MCHR2: variants seen among roughly 807,000 people sequenced by gnomAD.
MCHR2 encodes melanin-concentrating hormone receptor 2.
In MCHR2, 15 loss-of-function variants were observed where a neutral mutation model predicts 24.8. The observed-to-expected ratio is 0.60, with a 90% CI of 0.40 to 0.93. MCHR2 has a LOEUF of 0.93. Among genes scored for constraint, MCHR2 ranks in the 40% least tolerant of loss-of-function variants. The pLI, the probability that MCHR2 is intolerant of heterozygous loss-of-function variation, is 0.00. For synonymous variants in MCHR2, 151 were observed against 147.6 expected, an observed-to-expected ratio of 1.02 and a Z score of -0.17; for missense variants, 386 against 408.7, an observed-to-expected ratio of 0.94 and a Z score of 0.48.
rs12195133 is a variant in MCHR2 at position 99,967,964 on chromosome 6, T to C, written c.-27-11790A>G. ...GCAAAGAATTTGGTTTAGTAATCTCTCTTAGTCTCAGGTTCCCCATTGGTA... is the reference window on the plus strand; with the variant it reads ...GCAAAGAATTTGGTTTAGTAATCTCCCTTAGTCTCAGGTTCCCCATTGGTA... On this transcript the variant is annotated intron_variant, in intron 1 of 5. Transcript: ENST00000281806. Among the ~76,000 whole-genome samples, 462 of 152,320 alleles carry C rather than the reference T, an allele frequency of 3.0e-3. 4 individuals are homozygous for C. The highest frequency in any genetic ancestry group is 5.0e-3 in the Non-Finnish European group (338 of 68,006).
chr6:99,969,529 T>C (rs1582400834), intron 1 of MCHR2, among the ~76,000 whole-genome samples: 1 of 151,676 alleles, frequency 6.6e-6, no homozygotes, highest in East Asian at 1.9e-4. Flanking sequence ...CTGTTGTATT[T>C]AGGCATATTT....
intron 1 of MCHR2, among the ~76,000 whole-genome samples, chr6:99,970,242 G>T (rs1482241108): frequency 1.3e-5 from 2 of 151,930 alleles, no homozygotes; most frequent in Admixed American, 1.3e-4. Context: ...ACTTTTTAAT[G>T]ATGGCCATTC....
intron 1 of MCHR2, among the ~76,000 whole-genome samples, chr6:99,989,296 T>C (rs992765613): frequency 6.6e-6 from 1 of 152,078 alleles, no homozygotes; most frequent in Non-Finnish European, 1.5e-5. Flanking sequence ...AAGGAAGACA[T>C]AAAAAACAAG....
In MCHR2 at chr6:99,947,658, A is replaced by T. The variant is rs115760491; in HGVS notation, c.392+104T>A. The T allele has an allele frequency of 5.7e-4, 611 of 1,080,514 alleles. 4 individuals are homozygous for T. In the African/African-American group the frequency reaches 8.6e-3, roughly 15 times the overall value. The allele number at this position is 1,080,514 out of a possible 1,614,324, so 66.9% of individuals were successfully genotyped here. A position where few individuals can be genotyped will look rare whatever the true frequency, so the allele number is the denominator to read the frequency against. ...TTCTACAGTGAAACAAAGGAAGAAA[A>T]CCTCTGCTGTTATAAACCAAAACTG... On this transcript the variant is annotated intron_variant, in intron 3 of 5. Coordinates refer to ENST00000281806, the MANE Select transcript of MCHR2 (RefSeq NM_001040179.2).
At chr6:99,991,428 C>T (rs942639541) in intron 1 of MCHR2, among the ~76,000 whole-genome samples, 1 of 152,176 alleles carries the variant, frequency 6.6e-6, no homozygotes, top group Non-Finnish European at 1.5e-5. Context: ...TTTAGGTAGT[C>T]ACCAACCTGT....
At chr6:99,940,243 A>G (rs1774746295) in intron 4 of MCHR2, among the ~76,000 whole-genome samples, 1 of 150,622 alleles carries the variant, frequency 6.6e-6, no homozygotes, top group South Asian at 2.1e-4. Context: ...TTTTGAAGTA[A>G]TTTTTTCTAT....
At chr6:99,967,673 A>T (rs7766326) in intron 1 of MCHR2, among the ~76,000 whole-genome samples, 23,066 of 152,070 alleles carry the variant, frequency 0.15, 1,894 homozygotes, top group Middle Eastern at 0.17. Flanking sequence ...ACCACTGAAG[A>T]CAGTTCAATA....
chr6:99,993,520 A>G (rs1347835945), intron 1 of MCHR2, among the ~76,000 whole-genome samples: 4 of 152,122 alleles, frequency 2.6e-5, no homozygotes, highest in Non-Finnish European at 4.4e-5. Flanking sequence ...CTTAGCAAAC[A>G]AGCCAGTGAT....
intron 4 of MCHR2, among the ~76,000 whole-genome samples, chr6:99,939,416 G>T (rs1443038275): frequency 6.6e-6 from 1 of 151,928 alleles, no homozygotes; most frequent in Non-Finnish European, 1.5e-5. Context: ...CTAAAGAGAT[G>T]ATAATTTATC....
chr6:99,987,653 CAT>C (rs1775794083), intron 1 of MCHR2, among the ~76,000 whole-genome samples: 2 of 152,108 alleles, frequency 1.3e-5, no homozygotes. Flanking sequence ...CACATACAGA[CAT>C]ATGCTTTAAC....
intron 5 of MCHR2, among the ~76,000 whole-genome samples, chr6:99,929,636 T>TG (rs1257066285): frequency 6.6e-6 from 1 of 152,080 alleles, no homozygotes; most frequent in Non-Finnish European, 1.5e-5. Flanking sequence ...TTAAAGTCTG[T>TG]TTTATCAGAG....
intron 5 of MCHR2, among the ~76,000 whole-genome samples, chr6:99,928,686 C>T (rs1489264467): frequency 6.6e-6 from 1 of 151,944 alleles, no homozygotes; most frequent in East Asian, 1.9e-4. Context: ...TGGTGATATC[C>T]CCTTTATCAC....
intron 2 of MCHR2, among the ~76,000 whole-genome samples, chr6:99,951,751 A>C (rs889174786): frequency 9.9e-5 from 15 of 152,068 alleles, no homozygotes; most frequent in Admixed American, 3.9e-4. Flanking sequence ...CTGGGTGGGG[A>C]AAAAAGAGAC....
chr6:99,979,419 G>T (rs1285574327), intron 1 of MCHR2, among the ~76,000 whole-genome samples: 1 of 152,166 alleles, frequency 6.6e-6, no homozygotes, highest in Non-Finnish European at 1.5e-5. Flanking sequence ...GTAGCCACTA[G>T]CCACATGTGG....
chr6:99,935,455 T>C (rs1419175951), intron 4 of MCHR2, among the ~76,000 whole-genome samples: 1 of 152,038 alleles, frequency 6.6e-6, no homozygotes, highest in Non-Finnish European at 1.5e-5. Context: ...AGTGAGAAGA[T>C]GTGATATTTG....
chr6:99,948,087 C>T, intron 2 of MCHR2, 116 bp from the exon 3 acceptor site: 1 of 835,914 alleles, frequency 1.2e-6, no homozygotes, highest in East Asian at 2.6e-5. Flanking sequence ...TAAAGGAAAA[C>T]CTATACAGAT....
intron 5 of MCHR2, among the ~76,000 whole-genome samples, chr6:99,922,338 A>C (rs1051901531): frequency 6.6e-6 from 1 of 151,844 alleles, no homozygotes; most frequent in Non-Finnish European, 1.5e-5. Flanking sequence ...TGATCTCCTA[A>C]CCTCGCGATC....
intron 1 of MCHR2, among the ~76,000 whole-genome samples, chr6:99,959,857 G>GT (rs1011527738): frequency 4.0e-5 from 6 of 148,798 alleles, no homozygotes; most frequent in African/African-American, 1.5e-4. Context: ...ATAATAATAG[G>GT]TAAAAAAAGC....
intron 2 of MCHR2, among the ~76,000 whole-genome samples, chr6:99,950,671 T>C (rs1774948809): frequency 6.6e-6 from 1 of 152,162 alleles, no homozygotes; most frequent in Non-Finnish European, 1.5e-5. Context: ...ACTCTAAATT[T>C]ATTTAAACAT....
Sources: allele counts gnomAD v4.1 joint callset (sites outside exome capture counted in the v4.1 genomes callset), GRCh38; gene constraint gnomAD v4.1.1; transcripts MANE v1.5; gene names NCBI Gene and HGNC (gene_info 2026-07-23, HGNC 2026-07-21).